PAK3: variants seen among roughly 807,000 people sequenced by gnomAD.
PAK3 encodes p21 (RAC1) activated kinase 3, also known as serine/threonine-protein kinase PAK 3.
In PAK3, 4 loss-of-function variants were observed where a neutral mutation model predicts 41.0. The observed-to-expected ratio is 0.10, with a 90% CI of 0.05 to 0.22. PAK3 has a LOEUF of 0.22. Ranked by LOEUF, PAK3 falls within the 10% of genes least tolerant of loss-of-function variation. The pLI, the probability that PAK3 is intolerant of heterozygous loss-of-function variation, is 1.00. For missense variants in PAK3, 205 were observed against 409.9 expected (o/e 0.50, Z 4.32); for synonymous variants, 146 against 139.6 (o/e 1.05, Z -0.32).
chrX:111,082,187 T>C (rs1187653496), intron 1 of PAK3, among the ~76,000 whole-genome samples: 2 of 111,996 alleles, frequency 1.8e-5, no homozygotes, highest in African/African-American at 6.5e-5. Context: ...GTTGATCGAA[T>C]TTGTTGGCAG....
At chrX:111,172,428 G>C (rs924592462) in intron 10 of PAK3, among the ~76,000 whole-genome samples, 1 of 111,336 alleles carries the variant, frequency 9.0e-6, no homozygotes, top group African/African-American at 3.3e-5. Context: ...GCTGAGGCTT[G>C]GGACTCTAAT....
chrX:110,964,936 A>G lies in PAK3; in HGVS notation c.-28+20308A>G, dbSNP rs150662920. Among the ~76,000 whole-genome samples the G allele has an allele frequency of 4.5e-5, 5 of 111,475 alleles. No individual in the cohort carries two copies. The East Asian group carries it at 1.1e-3, about 25-fold the overall frequency. On this transcript the variant is annotated intron_variant, in intron 1 of 14. Transcript: ENST00000425146. ...GCAGGCTCCATTCTTATGCTAACAA[A>G]GCTCTGATTCCAGGCAGCAGCTGCT...
chrX:111,221,656 A>T lies in PAK3; in HGVS notation c.*1209A>T, dbSNP rs1233232102. The stretch of plus-strand genomic sequence containing the variant: ...TCTAGAGAAAGGTGATATAGTAAAC[A>T]TTCAACTCTGTAAGAAATGGGAGGT... On this transcript the variant is annotated 3_prime_UTR_variant, in exon 18 of 18. Transcript: ENST00000372007. 1.8e-5 allele frequency: 2 copies of T among 112,005 alleles called. No individual in the cohort carries two copies. Among genetic ancestry groups the T allele is most frequent in the Non-Finnish European group, 3.8e-5 (2 of 53,139 alleles). 9.2% of individuals were successfully genotyped at this position (112,005 alleles called of 1,213,427 possible). A position where few individuals can be genotyped will look rare whatever the true frequency, so the allele number is the denominator to read the frequency against.
intron 8 of PAK3, among the ~76,000 whole-genome samples, chrX:111,158,448 A>G (rs754404130): frequency 8.9e-6 from 1 of 112,101 alleles, no homozygotes; most frequent in Non-Finnish European, 1.9e-5. Context: ...TCCCAGTACT[A>G]TTTACACAGT....
intron 11 of PAK3, among the ~76,000 whole-genome samples, chrX:111,187,685 C>A (rs2094523638): frequency 9.0e-6 from 1 of 111,165 alleles, no homozygotes; most frequent in African/African-American, 3.3e-5. Context: ...AGCATCAGAA[C>A]TGGGGTGCAG....
At chrX:110,980,225 A>T (rs1352838959) in intron 1 of PAK3, among the ~76,000 whole-genome samples, 1 of 112,226 alleles carries the variant, frequency 8.9e-6, no homozygotes, top group East Asian at 2.8e-4. Context: ...CTGTTTTGCC[A>T]TGTAATGTAA....
intron 17 of PAK3, among the ~76,000 whole-genome samples, chrX:111,218,525 T>A (rs934827884): frequency 3.6e-5 from 4 of 111,831 alleles, no homozygotes; most frequent in Non-Finnish European, 7.5e-5. Context: ...TCAGGTTTAG[T>A]TAAGTTGAAG....
chrX:111,211,980 C>T (rs777482469), intron 16 of PAK3, among the ~76,000 whole-genome samples: 2 of 111,405 alleles, frequency 1.8e-5, no homozygotes, highest in African/African-American at 6.5e-5. Context: ...GAAAGAAGCC[C>T]GACTTTAAGC....
intron 6 of PAK3, chrX:111,146,700 C>T: frequency 2.6e-6 from 1 of 383,798 alleles, no homozygotes; most frequent in Non-Finnish European, 4.5e-6. Flanking sequence ...CATTCCCAAA[C>T]TCTGGAGGCC....
At position 111,221,242 on chromosome X, in the gene PAK3, C is replaced by T. The variant is rs1316964525; in HGVS notation, c.*795C>T. On this transcript the variant is annotated 3_prime_UTR_variant, in exon 18 of 18. Coordinates refer to ENST00000372007, the MANE Select transcript of PAK3 (RefSeq NM_002578.5). ...AAACGGTGAAATCCTGTCACATTTT[C>T]ACAATGATGCTTAAAAGATAATTGA... The T allele has an allele frequency of 1.8e-5, 2 of 112,066 alleles. No homozygotes were observed. The highest frequency in any genetic ancestry group is 6.5e-5 in the African/African-American group (2 of 30,839). 9.2% of individuals were successfully genotyped at this position (112,066 alleles called of 1,213,427 possible). A position where few individuals can be genotyped will look rare whatever the true frequency, so the allele number is the denominator to read the frequency against.
intron 11 of PAK3, among the ~76,000 whole-genome samples, chrX:111,190,450 G>A (rs910213896): frequency 9.0e-6 from 1 of 111,631 alleles, no homozygotes; most frequent in Non-Finnish European, 1.9e-5. Context: ...AGTTCTTAGT[G>A]CAGTGTCTGA....
intron 1 of PAK3, among the ~76,000 whole-genome samples, chrX:111,069,004 C>T (rs1037371809): frequency 9.0e-6 from 1 of 111,724 alleles, no homozygotes; most frequent in African/African-American, 3.3e-5. Context: ...AATAGTCTGT[C>T]GCAGTGTGTG....
chrX:111,039,476 G>A (rs1478371103), intron 1 of PAK3, among the ~76,000 whole-genome samples: 2 of 111,572 alleles, frequency 1.8e-5, no homozygotes, highest in Non-Finnish European at 3.8e-5. Context: ...TCTTATTTGG[G>A]CAGAGAATAG....
At chrX:111,009,600 C>T (rs1003355066) in intron 1 of PAK3, among the ~76,000 whole-genome samples, 4 of 111,985 alleles carry the variant, frequency 3.6e-5, no homozygotes, top group Admixed American at 9.5e-5. Flanking sequence ...TTGGCCTCCC[C>T]GTTATTATGA....
chrX:111,085,028 A>G (rs1381984640), intron 1 of PAK3, among the ~76,000 whole-genome samples: 1 of 112,019 alleles, frequency 8.9e-6, no homozygotes, highest in Non-Finnish European at 1.9e-5. Context: ...ATCTCCTTAG[A>G]TGAAAATGTA....
chrX:111,130,723 C>CT (rs1308065919), intron 5 of PAK3, among the ~76,000 whole-genome samples: 1 of 112,001 alleles, frequency 8.9e-6, no homozygotes, highest in African/African-American at 3.2e-5. Flanking sequence ...AAGGATATCA[C>CT]TCATAAGATG....
chrX:111,217,421 A>G (rs2094890979), intron 17 of PAK3: 1 of 658,724 alleles, frequency 1.5e-6, no homozygotes, highest in Non-Finnish European at 2.1e-6. Context: ...TTTCTTTGTG[A>G]TTTTGAACAC....
chrX:111,208,915 C>T (rs1291054166), intron 16 of PAK3, among the ~76,000 whole-genome samples: 2 of 106,006 alleles, frequency 1.9e-5, no homozygotes, highest in East Asian at 5.7e-4. Flanking sequence ...ACCAATCCCC[C>T]ATAGATACCG....
chrX:110,989,659 C>T (rs1165519413), intron 1 of PAK3, among the ~76,000 whole-genome samples: 1 of 112,071 alleles, frequency 8.9e-6, no homozygotes, highest in Non-Finnish European at 1.9e-5. Context: ...AAATTGGCAG[C>T]TTCTAATGAG....
Sources: gnomAD v4.1 joint callset for allele counts (sites outside exome capture counted in the v4.1 genomes callset) on GRCh38, gnomAD v4.1.1 for gene constraint, MANE v1.5 for transcripts, NCBI Gene and HGNC (gene_info 2026-07-23, HGNC 2026-07-21) for gene names.